IGSF21: variants seen among roughly 807,000 people sequenced by gnomAD.
IGSF21 encodes immunoglobin superfamily member 21, also known as immunoglobulin superfamily member 21.
IGSF21 carries 28 observed loss-of-function variants against 46.8 expected under a neutral mutation model. The observed-to-expected ratio is 0.60, with a 90% CI of 0.44 to 0.82. The LOEUF (loss-of-function observed/expected upper bound fraction) is 0.82, where lower values mean the gene tolerates loss of function less well. Among genes scored for constraint, IGSF21 ranks in the 40% least tolerant of loss-of-function variants. The pLI, the probability that IGSF21 is intolerant of heterozygous loss-of-function variation, is 0.00. For missense variants in IGSF21, 624 were observed against 665.5 expected, an observed-to-expected ratio of 0.94 and a Z score of 0.69; for synonymous variants, 284 against 273.6, an observed-to-expected ratio of 1.04 and a Z score of -0.38.
chr1:18,271,184 G>T (rs1318854686), intron 2 of IGSF21, among the ~76,000 whole-genome samples: 1 of 152,128 alleles, frequency 6.6e-6, no homozygotes, highest in Non-Finnish European at 1.5e-5. Context: ...TGAGGATGGA[G>T]AGCTCACCAC....
At position 18,364,444 on chromosome 1, in the gene IGSF21, C is replaced by T. The variant is rs537952015; in HGVS notation, c.541-779C>T. Reference sequence around the variant, plus strand: ...TCCCTCCCTCCACACACTTTCCTTCCGCTCCCCCACCTGTGTCCCAGAGAG... The same window carrying T: ...TCCCTCCCTCCACACACTTTCCTTCTGCTCCCCCACCTGTGTCCCAGAGAG... On this transcript the variant is annotated intron_variant, in intron 5 of 9. Transcript: ENST00000251296. 3.0e-4 allele frequency among the ~76,000 whole-genome samples: 45 copies of T among 149,246 alleles called. No individual in the cohort carries two copies. The South Asian group carries it at 7.2e-3, about 24-fold the overall frequency.
Position 18,348,313 on chromosome 1 carries a change from G to A in IGSF21, c.424+13303G>A, listed in dbSNP as rs1569854892. On this transcript the variant is annotated intron_variant, in intron 4 of 9. Transcript: ENST00000251296. ...TCTGGAATTATCTAGGCAGGTGTCTGAAGCCCCCTGGGGCCCTCACCAACT... is the reference window on the plus strand; with the variant it reads ...TCTGGAATTATCTAGGCAGGTGTCTAAAGCCCCCTGGGGCCCTCACCAACT... Among the ~76,000 whole-genome samples the A allele has an allele frequency of 4.6e-5, 7 of 152,318 alleles. 1 individual carries two copies. In the Middle Eastern group the frequency reaches 0.02, roughly 444 times the overall value.
intron 1 of IGSF21, among the ~76,000 whole-genome samples, chr1:18,146,731 G>A (rs960183079): frequency 6.6e-6 from 1 of 152,058 alleles, no homozygotes; most frequent in Non-Finnish European, 1.5e-5. Context: ...CAGTTCTGAC[G>A]TGCCCCTCTC....
intron 1 of IGSF21, among the ~76,000 whole-genome samples, chr1:18,202,628 A>G (rs1488064506): frequency 5.3e-5 from 8 of 152,110 alleles, no homozygotes; most frequent in Non-Finnish European, 1.0e-4. Flanking sequence ...TTGTGAAACC[A>G]TCAGATCTCA....
intron 2 of IGSF21, among the ~76,000 whole-genome samples, chr1:18,278,518 G>A (rs1034362003): frequency 6.7e-6 from 1 of 149,486 alleles, no homozygotes; most frequent in African/African-American, 2.5e-5. Flanking sequence ...TGGGATTACA[G>A]GTGTAAGGTT....
chr1:18,205,065 T>C (rs1201701015), intron 1 of IGSF21, among the ~76,000 whole-genome samples: 1 of 150,620 alleles, frequency 6.6e-6, no homozygotes, highest in East Asian at 2.0e-4. Context: ...TGTCAAAAGA[T>C]GCAAAGGCCA....
chr1:18,305,287 AG>A (rs2085408847), intron 3 of IGSF21, among the ~76,000 whole-genome samples: 1 of 148,802 alleles, frequency 6.7e-6, no homozygotes, highest in East Asian at 2.1e-4. Context: ...ATGAATGGAT[AG>A]ATGGATGGAT....
At chr1:18,156,542 C>A (rs997606149) in intron 1 of IGSF21, among the ~76,000 whole-genome samples, 7 of 152,224 alleles carry the variant, frequency 4.6e-5, no homozygotes, top group African/African-American at 1.2e-4. Context: ...CCAGCCCCAA[C>A]CAAGTTCACT....
chr1:18,165,912 C>G (rs1031280331), intron 1 of IGSF21, among the ~76,000 whole-genome samples: 2 of 152,126 alleles, frequency 1.3e-5, no homozygotes, highest in Non-Finnish European at 2.9e-5. Context: ...TTAAAAAGTT[C>G]TAAGTTGCTA....
intron 1 of IGSF21, among the ~76,000 whole-genome samples, chr1:18,157,987 G>A (rs779359106): frequency 2.0e-5 from 3 of 152,128 alleles, no homozygotes; most frequent in South Asian, 4.1e-4. Context: ...AAGGTAGAAC[G>A]TGCATCTCCT....
intron 2 of IGSF21, among the ~76,000 whole-genome samples, chr1:18,250,748 G>C (rs1164859743): frequency 6.6e-6 from 1 of 152,150 alleles, no homozygotes; most frequent in Non-Finnish European, 1.5e-5. Flanking sequence ...AATATTCCCA[G>C]TCTACAAGCA....
intron 1 of IGSF21, among the ~76,000 whole-genome samples, chr1:18,164,208 C>T (rs2086656330): frequency 6.6e-6 from 1 of 152,122 alleles, no homozygotes; most frequent in African/African-American, 2.4e-5. Flanking sequence ...GGGTTTAGGA[C>T]TAATAAGTAG....
intron 1 of IGSF21, among the ~76,000 whole-genome samples, chr1:18,207,279 G>T (rs576795519): frequency 5.3e-5 from 8 of 152,178 alleles, no homozygotes; most frequent in Non-Finnish European, 1.2e-4. Context: ...GGGCTCATGT[G>T]ATGAGAGGAG....
intron 1 of IGSF21, among the ~76,000 whole-genome samples, chr1:18,223,192 C>T (rs776545996): frequency 3.0e-4 from 45 of 152,346 alleles, no homozygotes; most frequent in Non-Finnish European, 6.2e-4. Flanking sequence ...CTGGCCCCAA[C>T]CCCAGGTCTC....
At position 18,214,102 on chromosome 1, in the gene IGSF21, TAATA is replaced by T. The variant is rs60927085; in HGVS notation, c.71-13789_71-13786del. On this transcript the variant is annotated intron_variant, in intron 1 of 9. Coordinates refer to ENST00000251296, the MANE Select transcript of IGSF21 (RefSeq NM_032880.5). ...TTATCAATAATGAAACACATATTAA[TAATA>T]AATAAACAAACTAATGATAAATAAT... 8.3e-3 allele frequency among the ~76,000 whole-genome samples: 1,257 copies of T among 152,308 alleles called. 8 individuals carry two copies. Among genetic ancestry groups the T allele is most frequent in the Non-Finnish European group, 0.011 (750 of 68,020 alleles).
intron 3 of IGSF21, among the ~76,000 whole-genome samples, chr1:18,331,154 T>C (rs893682321): frequency 6.6e-6 from 1 of 152,208 alleles, no homozygotes; most frequent in African/African-American, 2.4e-5. Flanking sequence ...GAACAGGTAG[T>C]GTTTGGTTAC....
At chr1:18,292,573 G>A (rs1051070394) in intron 3 of IGSF21, among the ~76,000 whole-genome samples, 3 of 152,118 alleles carry the variant, frequency 2.0e-5, no homozygotes, top group African/African-American at 4.8e-5. Flanking sequence ...AAGCTGACTC[G>A]ATCTTCCAGA....
At chr1:18,330,179 G>A (rs1055366814) in intron 3 of IGSF21, among the ~76,000 whole-genome samples, 1 of 152,140 alleles carries the variant, frequency 6.6e-6, no homozygotes, top group Non-Finnish European at 1.5e-5. Flanking sequence ...GAGTCTCTGG[G>A]CCACTTAATC....
rs2085776942 is a variant in IGSF21, at chr1:18,337,100, A to G, written c.424+2090A>G. ...GGGACACAGCCAAACCATATCATGT[A>G]TCATCAGAGGGTTGACCAGACCATC... is the stretch of plus-strand genomic sequence containing the variant. On this transcript the variant is annotated intron_variant, in intron 4 of 9. Transcript: ENST00000251296. The surrounding 1 kb of genome is among the most constrained non-coding windows in gnomAD (Gnocchi z 5.7). 6.6e-6 allele frequency among the ~76,000 whole-genome samples: 1 copy of G among 152,196 alleles called. No individual in the cohort carries two copies. The highest frequency in any genetic ancestry group is 1.5e-5 in the Non-Finnish European group (1 of 68,026).
Sources: gnomAD v4.1 joint callset for allele counts (sites outside exome capture counted in the v4.1 genomes callset) on GRCh38, gnomAD v4.1.1 for gene constraint, Gnocchi (gnomAD v3.1) non-coding constraint, MANE v1.5 for transcripts, NCBI Gene and HGNC (gene_info 2026-07-23, HGNC 2026-07-21) for gene names.